The following TENM3 variants were observed in gnomAD, a reference collection of about 807,000 sequenced individuals.
TENM3 encodes the protein teneurin transmembrane protein 3.
TENM3 carries 63 observed loss-of-function variants against 255.1 expected under a neutral mutation model. That is an observed-to-expected ratio of 0.25 (90% CI 0.20 to 0.30). TENM3 has a LOEUF of 0.30. Ranked by LOEUF, TENM3 falls within the 10% of genes least tolerant of loss-of-function variation. The pLI, the probability that TENM3 is intolerant of heterozygous loss-of-function variation, is 1.00. For synonymous variants in TENM3, 1,306 were observed against 1,322.3 expected, an observed-to-expected ratio of 0.99 and a Z score of 0.27; for missense variants, 2,929 against 3,461.1, an observed-to-expected ratio of 0.85 and a Z score of 3.86.
chr4:182,471,178 A>G (rs1733087706), intron 3 of TENM3, among the ~76,000 whole-genome samples: 1 of 152,218 alleles, frequency 6.6e-6, no homozygotes, highest in Admixed American at 6.5e-5. Flanking sequence ...ACTTCACTGT[A>G]ATAGGGATAA....
intron 4 of TENM3, among the ~76,000 whole-genome samples, chr4:182,623,207 G>A (rs528586120): frequency 6.6e-6 from 1 of 151,902 alleles, no homozygotes; most frequent in African/African-American, 2.4e-5. Flanking sequence ...TAGAGACGGG[G>A]TTTCACTGTA....
intron 3 of TENM3, among the ~76,000 whole-genome samples, chr4:182,490,476 C>T (rs1735185384): frequency 6.6e-6 from 1 of 152,034 alleles, no homozygotes; most frequent in South Asian, 2.1e-4. Context: ...CAGTGCTCTC[C>T]TCTGCTGGGC....
the TENM3 span, among the ~76,000 whole-genome samples, chr4:181,486,134 G>A: frequency 2.0e-5 from 3 of 152,032 alleles, no homozygotes; most frequent in African/African-American, 7.2e-5. Flanking sequence ...TCACCACCTT[G>A]ACAATACACC....
the TENM3 span, among the ~76,000 whole-genome samples, chr4:181,680,721 C>T: frequency 6.6e-6 from 1 of 152,086 alleles, no homozygotes; most frequent in African/African-American, 2.4e-5. Flanking sequence ...CCAAGGTGCT[C>T]TGTAAACTGT....
At chr4:182,679,977 T>A in intron 8 of TENM3, 101 bp downstream of exon 8, 1 of 1,021,010 alleles carries the variant, frequency 9.8e-7, no homozygotes, top group Non-Finnish European at 1.4e-6. Flanking sequence ...ATTCCTAGGG[T>A]GTTAAAGCCC....
At chr4:182,586,322 C>G (rs1746018753) in intron 3 of TENM3, among the ~76,000 whole-genome samples, 1 of 152,142 alleles carries the variant, frequency 6.6e-6, no homozygotes, top group Non-Finnish European at 1.5e-5. Flanking sequence ...TAGGACCTTA[C>G]ATTTATAGTA....
chr4:182,501,523 A>C (rs1736328339), intron 3 of TENM3, among the ~76,000 whole-genome samples: 1 of 152,058 alleles, frequency 6.6e-6, no homozygotes, highest in African/African-American at 2.4e-5. Context: ...AGTCATTTGG[A>C]TACATAGTAA....
the TENM3 span, among the ~76,000 whole-genome samples, chr4:181,969,554 G>A: frequency 6.6e-6 from 1 of 152,132 alleles, no homozygotes; most frequent in Non-Finnish European, 1.5e-5. Context: ...GAGCATTAAC[G>A]GGAATACCTG....
At chr4:182,106,238 G>A in the TENM3 span, among the ~76,000 whole-genome samples, 1 of 152,164 alleles carries the variant, frequency 6.6e-6, no homozygotes, top group East Asian at 1.9e-4. Flanking sequence ...GAGGTGGGTG[G>A]ATTGCTTGAG....
At chr4:182,369,143 T>C (rs902731726) in intron 3 of TENM3, among the ~76,000 whole-genome samples, 4 of 152,184 alleles carry the variant, frequency 2.6e-5, no homozygotes, top group African/African-American at 9.7e-5. Flanking sequence ...TTGTTACTGT[T>C]CTTCAGAAAA....
chr4:182,436,858 A>T (rs1772085161), intron 3 of TENM3, among the ~76,000 whole-genome samples: 1 of 152,016 alleles, frequency 6.6e-6, no homozygotes, highest in Non-Finnish European at 1.5e-5. Context: ...TCTCTACTAA[A>T]AATACAAAAA....
intron 3 of TENM3, among the ~76,000 whole-genome samples, chr4:182,534,549 A>G (rs1164867613): frequency 2.0e-5 from 3 of 152,238 alleles, no homozygotes; most frequent in Non-Finnish European, 4.4e-5. Flanking sequence ...CAGTGGAGAC[A>G]GTAAACACAT....
At chr4:182,138,008 C>A in the TENM3 span, among the ~76,000 whole-genome samples, 1 of 152,156 alleles carries the variant, frequency 6.6e-6, no homozygotes, top group African/African-American at 2.4e-5. Context: ...TAACTTTCAG[C>A]CTCTTTGCTT....
chr4:182,547,038 TC>T (rs1471546230), intron 3 of TENM3, among the ~76,000 whole-genome samples: 1 of 152,120 alleles, frequency 6.6e-6, no homozygotes, highest in Non-Finnish European at 1.5e-5. Flanking sequence ...TATCTCCTCT[TC>T]CATTTCTAGA....
intron 3 of TENM3, among the ~76,000 whole-genome samples, chr4:182,538,805 A>G (rs1740586695): frequency 6.6e-6 from 1 of 152,096 alleles, no homozygotes; most frequent in Admixed American, 6.5e-5. Flanking sequence ...TGACAGCTAC[A>G]TTTATGATTT....
At chr4:182,275,461 A>C (rs1759936687) in intron 1 of TENM3, among the ~76,000 whole-genome samples, 1 of 152,202 alleles carries the variant, frequency 6.6e-6, no homozygotes, top group African/African-American at 2.4e-5. Flanking sequence ...CCACACAGGC[A>C]TTCCTTAGGC....
chr4:181,801,651 AATATATATATATATATATATATATAT>A, the TENM3 span, among the ~76,000 whole-genome samples: 51 of 80,952 alleles, frequency 6.3e-4, no homozygotes, highest in South Asian at 1.2e-3. Context: ...AGAATTGTAA[AATATATATATATATATATATATATAT>A]ATATATATAT....
intron 3 of TENM3, among the ~76,000 whole-genome samples, chr4:182,470,412 G>A (rs988296019): frequency 6.6e-6 from 1 of 152,166 alleles, no homozygotes; most frequent in Non-Finnish European, 1.5e-5. Context: ...CGAAATTCTT[G>A]TTCTCAATTC....
the TENM3 span, among the ~76,000 whole-genome samples, chr4:181,667,689 A>G: frequency 6.6e-6 from 1 of 152,110 alleles, no homozygotes; most frequent in South Asian, 2.1e-4. Context: ...TCAATCTTGG[A>G]CTTCTCAGCC....
Sources: gnomAD v4.1 joint callset for allele counts (sites outside exome capture counted in the v4.1 genomes callset) on GRCh38, gnomAD v4.1.1 for gene constraint, MANE v1.5 for transcripts, NCBI Gene and HGNC (gene_info 2026-07-23, HGNC 2026-07-21) for gene names.